Variants in DNAAF9 observed in about 807,000 individuals in gnomAD.
DNAAF9 encodes the protein dynein axonemal assembly factor 9, also known as shulin.
A neutral mutation model predicts 167.0 loss-of-function variants in DNAAF9; 90 were observed. That is an observed-to-expected ratio of 0.54 (90% CI 0.45 to 0.64). DNAAF9 has a LOEUF of 0.64. DNAAF9 is among the 30% of genes least tolerant of loss of function. The pLI, the probability that DNAAF9 is intolerant of heterozygous loss-of-function variation, is 0.00. For synonymous variants in DNAAF9, 491 were observed against 508.8 expected, an observed-to-expected ratio of 0.96 and a Z score of 0.47; for missense variants, 1,315 against 1,442.2, an observed-to-expected ratio of 0.91 and a Z score of 1.43.
intron 15 of DNAAF9, 66 bp downstream of exon 15, chr20:3,322,586 G>T: frequency 1.7e-6 from 2 of 1,211,878 alleles, no homozygotes; most frequent in Non-Finnish European, 2.5e-6. Context: ...CATGTCAGCA[G>T]CCTCCCCTCT....
intron 7 of DNAAF9, among the ~76,000 whole-genome samples, chr20:3,357,342 G>C (rs1317817803): frequency 6.6e-6 from 1 of 151,978 alleles, no homozygotes; most frequent in Admixed American, 6.6e-5. Flanking sequence ...GTGGTGGCAC[G>C]CGCCTGTAAT....
At chr20:3,276,769 A>C (rs1729700135) in intron 29 of DNAAF9, among the ~76,000 whole-genome samples, 1 of 152,344 alleles carries the variant, frequency 6.6e-6, no homozygotes. Context: ...AAGGAAAAGA[A>C]GGCTCCAGCA....
chr20:3,279,685 C>T (rs2068733396), intron 28 of DNAAF9, among the ~76,000 whole-genome samples: 2 of 152,206 alleles, frequency 1.3e-5, no homozygotes, highest in South Asian at 2.1e-4. Flanking sequence ...CTTGCTCTGT[C>T]GTCCTGTCTG....
At chr20:3,406,626 C>T (rs2084059243) in intron 1 of DNAAF9, among the ~76,000 whole-genome samples, 3 of 152,180 alleles carry the variant, frequency 2.0e-5, no homozygotes, top group Admixed American at 6.5e-5. Flanking sequence ...AACGGATCTT[C>T]CTATATCTAA....
At chr20:3,392,281 A>C (rs1283603824) in intron 1 of DNAAF9, among the ~76,000 whole-genome samples, 1 of 152,200 alleles carries the variant, frequency 6.6e-6, no homozygotes, top group Admixed American at 6.5e-5. Flanking sequence ...TGTAAGTTCT[A>C]CCTTTAGAAG....
chr20:3,296,565 C>T (rs1006490139), intron 23 of DNAAF9: 11 of 365,068 alleles, frequency 3.0e-5, no homozygotes, highest in Non-Finnish European at 4.5e-5. Context: ...TTTGTAGGGA[C>T]GGGGTCTCAC....
intron 10 of DNAAF9, among the ~76,000 whole-genome samples, chr20:3,332,894 GC>G (rs1555793054): frequency 3.8e-5 from 3 of 79,708 alleles, no homozygotes; most frequent in African/African-American, 1.3e-4. Flanking sequence ...GTGCGTGTGT[GC>G]GTGTGGTGTG....
intron 12 of DNAAF9, among the ~76,000 whole-genome samples, chr20:3,327,351 C>T (rs1463085556): frequency 6.6e-6 from 1 of 152,084 alleles, no homozygotes; most frequent in African/African-American, 2.4e-5. Flanking sequence ...CAGACCCTGC[C>T]AAATGTTCCT....
chr20:3,288,123 T>G lies in DNAAF9; in HGVS notation c.2328-333A>C, dbSNP rs114529873. Among the ~76,000 whole-genome samples the G allele has an allele frequency of 4.1e-3, 619 of 152,342 alleles. 7 individuals are homozygous for G. Among genetic ancestry groups the G allele is most frequent in the African/African-American group, 0.014 (591 of 41,582 alleles). ...ACTTTCTGAAGGACCATGCAAAAGA[T>G]GGCTTCAGTTAGTCTCTTGCTAAGA... On this transcript the variant is annotated intron_variant, in intron 26 of 36. Transcript: ENST00000252032.
At chr20:3,304,013 C>T (rs2069241877) in intron 21 of DNAAF9, among the ~76,000 whole-genome samples, 1 of 152,198 alleles carries the variant, frequency 6.6e-6, no homozygotes, top group Admixed American at 6.5e-5. Context: ...CAATCCTGTC[C>T]ATGCTAATGT....
At chr20:3,288,056 C>A (rs2068882474) in intron 26 of DNAAF9, among the ~76,000 whole-genome samples, 1 of 152,224 alleles carries the variant, frequency 6.6e-6, no homozygotes, top group Non-Finnish European at 1.5e-5. Flanking sequence ...ACTTGACCAA[C>A]AGACATCAGA....
chr20:3,373,756 G>T (rs929728063), intron 6 of DNAAF9, among the ~76,000 whole-genome samples: 6 of 152,150 alleles, frequency 3.9e-5, no homozygotes, highest in Non-Finnish European at 8.8e-5. Context: ...AAAAGCTGTA[G>T]GAAAAGTCAA....
chr20:3,312,449 TAAC>T (rs1803321481), intron 20 of DNAAF9, among the ~76,000 whole-genome samples: 5 of 150,768 alleles, frequency 3.3e-5, no homozygotes, highest in African/African-American at 9.7e-5. Context: ...ATGGAAAAAA[TAAC>T]AACTTGCACA....
At chr20:3,349,932 T>A (rs552573535) in intron 7 of DNAAF9, among the ~76,000 whole-genome samples, 1 of 152,246 alleles carries the variant, frequency 6.6e-6, no homozygotes, top group East Asian at 1.9e-4. Flanking sequence ...GCCTTGCTCA[T>A]AGCAGGCATT....
chr20:3,293,988 T>C, intron 25 of DNAAF9, 151 bp downstream of exon 25: 1 of 552,390 alleles, frequency 1.8e-6, no homozygotes, highest in East Asian at 2.8e-5. Context: ...GGTTACATGT[T>C]ATCATTACAT....
intron 34 of DNAAF9, among the ~76,000 whole-genome samples, chr20:3,255,487 A>G (rs1036033524): frequency 2.0e-5 from 3 of 152,082 alleles, no homozygotes; most frequent in Non-Finnish European, 4.4e-5. Context: ...CCAGCAGGGA[A>G]CAAGCAGCAG....
chr20:3,389,471 A>C (rs919319114), intron 1 of DNAAF9, among the ~76,000 whole-genome samples: 2 of 152,042 alleles, frequency 1.3e-5, no homozygotes, highest in Non-Finnish European at 1.5e-5. Context: ...TTTTTTTAGA[A>C]GTTAAAAATA....
chr20:3,401,019 T>A (rs1455936270), intron 1 of DNAAF9, among the ~76,000 whole-genome samples: 1 of 152,180 alleles, frequency 6.6e-6, no homozygotes, highest in Non-Finnish European at 1.5e-5. Context: ...ATTGGCTTGC[T>A]TTGCATTTTG....
intron 22 of DNAAF9, among the ~76,000 whole-genome samples, chr20:3,297,815 C>G (rs919004264): frequency 6.6e-6 from 1 of 151,998 alleles, no homozygotes; most frequent in Non-Finnish European, 1.5e-5. Flanking sequence ...GGCTAAAAAC[C>G]CTCTTGTTCA....
Sources: allele counts gnomAD v4.1 joint callset (sites outside exome capture counted in the v4.1 genomes callset), GRCh38; gene constraint gnomAD v4.1.1; transcripts MANE v1.5; gene names NCBI Gene and HGNC (gene_info 2026-07-23, HGNC 2026-07-21).